The following ITIH5 variants were observed in gnomAD, a reference collection of about 807,000 sequenced individuals.
ITIH5 encodes the protein inter-alpha-trypsin inhibitor heavy chain H5.
In ITIH5, 65 loss-of-function variants were observed where a neutral mutation model predicts 77.5. The ratio of observed to expected loss-of-function variants is 0.84; its 90% CI spans 0.69 to 1.03. ITIH5 has a LOEUF of 1.03. Among genes scored for constraint, ITIH5 ranks in the 50% least tolerant of loss-of-function variants. ITIH5 has a pLI of 0.00. For missense variants in ITIH5, 1,208 were observed against 1,213.1 expected (o/e 1.00, Z 0.06); for synonymous variants, 525 against 494.3 (o/e 1.06, Z -0.82).
chr10:7,659,721 A>G (rs933129705), intron 1 of ITIH5, among the ~76,000 whole-genome samples: 2 of 152,214 alleles, frequency 1.3e-5, no homozygotes, highest in African/African-American at 4.8e-5. Flanking sequence ...CATTTTTGAG[A>G]TGCCTATCTG....
chr10:7,608,506 C>T (rs563755084), intron 7 of ITIH5, among the ~76,000 whole-genome samples: 1 of 152,316 alleles, frequency 6.6e-6, no homozygotes, highest in East Asian at 1.9e-4. Context: ...TCGTCTCGAA[C>T]TCCTGGGCTC....
At chr10:7,602,006 C>T (rs76401582) in intron 7 of ITIH5, among the ~76,000 whole-genome samples, 1 of 152,114 alleles carries the variant, frequency 6.6e-6, no homozygotes, top group Non-Finnish European at 1.5e-5. Flanking sequence ...GTACGTGCCA[C>T]CACGCAGGGC....
At chr10:7,567,782 G>T (rs1416180884) in intron 12 of ITIH5, among the ~76,000 whole-genome samples, 1 of 152,152 alleles carries the variant, frequency 6.6e-6, no homozygotes, top group Non-Finnish European at 1.5e-5. Flanking sequence ...GCTGAGGCAG[G>T]AGAATCACTT....
intron 7 of ITIH5, among the ~76,000 whole-genome samples, chr10:7,605,193 GAC>G (rs1564256274): frequency 6.6e-6 from 1 of 151,684 alleles, no homozygotes. Flanking sequence ...TGCCTTTAGA[GAC>G]ACGCTTTCTC....
rs182841293 is a variant in ITIH5 at position 7,571,491 on chromosome 10, A to G, written c.2032+1651T>C. The G allele has an allele frequency of 6.7e-3, 1,021 of 152,260 alleles. 5 individuals carry two copies. The highest frequency in any genetic ancestry group is 0.011 in the Non-Finnish European group (737 of 68,040). 9.4% of individuals were successfully genotyped at this position (152,260 alleles called of 1,614,324 possible). On this transcript the variant is annotated intron_variant, in intron 11 of 13. Transcript: ENST00000397146. ...GAGTGCAATGGTGCAATCTCGGTTC[A>G]CTGCAATCTCTGCCTCCTGGGTTCA...
Position 7,562,808 on chromosome 10 carries a change from GCTATGACCCTTCT to G in ITIH5, c.*262_*274del. 2.0e-6 allele frequency: 1 copy of G among 491,030 alleles called. No individual in the cohort carries two copies. Among genetic ancestry groups the G allele is most frequent in the Non-Finnish European group, 3.7e-6 (1 of 269,590 alleles). 30.4% of individuals were successfully genotyped at this position (491,030 alleles called of 1,614,324 possible). A position where few individuals can be genotyped will look rare whatever the true frequency, so the allele number is the denominator to read the frequency against. On this transcript the variant is annotated 3_prime_UTR_variant, in exon 14 of 14. Coordinates refer to ENST00000397146, the MANE Select transcript of ITIH5 (RefSeq NM_030569.7). ...CAAGATACAGACTTTGTTGCATTTA[GCTATGACCCTTCT>G]CTCCCCTCTGTGGATGTGGGCAGGG... is the stretch of plus-strand genomic sequence containing the variant.
intron 5 of ITIH5, among the ~76,000 whole-genome samples, chr10:7,623,231 C>T (rs1482119230): frequency 6.6e-6 from 1 of 152,164 alleles, no homozygotes; most frequent in Admixed American, 6.5e-5. Flanking sequence ...GAAAAGCAGC[C>T]AACACCTGGT....
intron 7 of ITIH5, among the ~76,000 whole-genome samples, chr10:7,596,663 A>C (rs187376534): frequency 3.9e-5 from 6 of 152,188 alleles, no homozygotes; most frequent in Admixed American, 3.9e-4. Context: ...AATGTTCACC[A>C]GGGAGTTGAC....
intron 7 of ITIH5, among the ~76,000 whole-genome samples, chr10:7,598,576 C>T (rs1232269546): frequency 2.0e-5 from 3 of 152,160 alleles, no homozygotes; most frequent in African/African-American, 4.8e-5. Context: ...TAATCTACTA[C>T]ACTTTCATTT....
intron 5 of ITIH5, among the ~76,000 whole-genome samples, chr10:7,626,768 C>G (rs1833585995): frequency 1.3e-5 from 2 of 152,184 alleles, no homozygotes; most frequent in African/African-American, 4.8e-5. Context: ...TCAAATGAAA[C>G]TGGGCATCTT....
At chr10:7,626,152 G>A (rs760824428) in intron 5 of ITIH5, among the ~76,000 whole-genome samples, 8 of 152,148 alleles carry the variant, frequency 5.3e-5, no homozygotes, top group Non-Finnish European at 1.0e-4. Context: ...CCACAGCTGC[G>A]ATGGCCCAGG....
chr10:7,627,279 T>C (rs987674088), intron 5 of ITIH5, among the ~76,000 whole-genome samples: 4 of 143,194 alleles, frequency 2.8e-5, no homozygotes, highest in Non-Finnish European at 4.5e-5. Context: ...GTTCTGCACA[T>C]GGATCCCAGA....
At chr10:7,586,665 T>C (rs1252977351) in intron 7 of ITIH5, among the ~76,000 whole-genome samples, 1 of 152,114 alleles carries the variant, frequency 6.6e-6, no homozygotes, top group Non-Finnish European at 1.5e-5. Flanking sequence ...GGTGAATCAA[T>C]GAATGAATGA....
intron 5 of ITIH5, among the ~76,000 whole-genome samples, chr10:7,634,367 CA>C (rs1833764853): frequency 6.6e-6 from 1 of 152,158 alleles, no homozygotes; most frequent in African/African-American, 2.4e-5. Flanking sequence ...TTTGCAGGAA[CA>C]ATAACCGCTG....
intron 2 of ITIH5, 42 bp from the exon 3 acceptor site, chr10:7,642,132 A>C (rs1833900714): frequency 6.5e-7 from 1 of 1,530,432 alleles, no homozygotes; most frequent in Non-Finnish European, 8.9e-7. Context: ...TGATGCATGA[A>C]AGCATTTTGG....
chr10:7,613,346 A>G (rs2131029953), intron 7 of ITIH5, among the ~76,000 whole-genome samples: 1 of 152,314 alleles, frequency 6.6e-6, no homozygotes, highest in East Asian at 1.9e-4. Context: ...CCTCTAAAAC[A>G]TCAATAAATA....
At chr10:7,649,953 C>T (rs986575639) in intron 2 of ITIH5, among the ~76,000 whole-genome samples, 1 of 152,172 alleles carries the variant, frequency 6.6e-6, no homozygotes, top group Non-Finnish European at 1.5e-5. Context: ...TAAGTCATAA[C>T]TTTGTTTTGG....
intron 5 of ITIH5, chr10:7,620,377 A>C (rs1322126715): frequency 1.3e-5 from 2 of 152,216 alleles, no homozygotes; most frequent in South Asian, 4.1e-4. Flanking sequence ...ATCTGCATAA[A>C]GTTCAAGAGG....
Position 7,617,157 on chromosome 10 carries a change from T to C in ITIH5, c.778A>G (p.Ile260Val), listed in dbSNP as rs753241778. 1 of 1,604,396 alleles carries C rather than the reference T, an allele frequency of 6.2e-7. No individual in the cohort carries two copies. Among genetic ancestry groups the C allele is most frequent in the South Asian group, 1.1e-5 (1 of 88,564 alleles). ...AQNGILGDFI[I>V]RYDVNREQSI... ...TGTTCTCTATTGACGTCATATCTAA[T>C]GATAAAGTCTCCCAAAATTCCATTC... The change falls in exon 6 of 14, where the codon ATT (isoleucine) becomes GTT (valine). Residue 260 changes from isoleucine to valine, a missense_variant. Coordinates refer to ENST00000397146, the MANE Select transcript of ITIH5 (RefSeq NM_030569.7).
Sources: gnomAD v4.1 joint callset for allele counts (sites outside exome capture counted in the v4.1 genomes callset) on GRCh38, gnomAD v4.1.1 for gene constraint, MANE v1.5 for transcripts, NCBI Gene and HGNC (gene_info 2026-07-23, HGNC 2026-07-21) for gene names.